Variants in ZBTB2 observed in about 807,000 individuals in gnomAD.
ZBTB2 encodes zinc finger and BTB domain containing 2, also known as zinc finger and BTB domain-containing protein 2.
Under a neutral mutation model 39.5 loss-of-function variants are expected in ZBTB2, and 2 were observed. The ratio of observed to expected loss-of-function variants is 0.05; its 90% CI spans 0.02 to 0.16. ZBTB2 has a LOEUF of 0.16. ZBTB2 is among the 10% of genes least tolerant of loss of function. The pLI is 1.00. For missense variants in ZBTB2, 391 were observed against 653.0 expected, an observed-to-expected ratio of 0.60 and a Z score of 4.37; for synonymous variants, 251 against 256.6, an observed-to-expected ratio of 0.98 and a Z score of 0.21.
intron 1 of ZBTB2, among the ~76,000 whole-genome samples, chr6:151,380,366 C>T (rs1779006568): frequency 6.6e-6 from 1 of 152,262 alleles, no homozygotes; most frequent in South Asian, 2.1e-4. Flanking sequence ...ACCCTGGCCC[C>T]TGCCCAGTGA....
chr6:151,370,138 AT>A (rs1248685247), intron 2 of ZBTB2: 215 of 951,520 alleles, frequency 2.3e-4, no homozygotes, highest in South Asian at 2.9e-4. Flanking sequence ...TTGACATAAC[AT>A]TTTTTTTTGT....
chr6:151,389,942 A>G (rs7761636), intron 1 of ZBTB2, among the ~76,000 whole-genome samples: 26,422 of 151,836 alleles, frequency 0.17, 3,814 homozygotes, highest in East Asian at 0.38. Flanking sequence ...TGTTTAAACA[A>G]GAAGGGTTTA....
intron 1 of ZBTB2, among the ~76,000 whole-genome samples, chr6:151,375,194 A>C (rs937739590): frequency 6.6e-6 from 1 of 150,580 alleles, no homozygotes; most frequent in Non-Finnish European, 1.5e-5. Context: ...ATAAACATAC[A>C]AAAAAAAATC....
At position 151,384,266 on chromosome 6, in the gene ZBTB2, T is replaced by C. The variant is rs145893922; in HGVS notation, c.-13+7154A>G. Among the ~76,000 whole-genome samples, 666 of 152,318 alleles carry C rather than the reference T, an allele frequency of 4.4e-3. 2 individuals carry two copies. The highest frequency in any genetic ancestry group is 7.6e-3 in the Non-Finnish European group (518 of 68,020). ...GTCATGTTAAGGATTTTGGTCCATATCTTAAAAGCAATGGGAAGCCACCCA... is the reference window on the plus strand; with the variant it reads ...GTCATGTTAAGGATTTTGGTCCATACCTTAAAAGCAATGGGAAGCCACCCA... On this transcript the variant is annotated intron_variant, in intron 1 of 2. Transcript: ENST00000325144.
At chr6:151,375,180 A>G (rs1157881735) in intron 1 of ZBTB2, among the ~76,000 whole-genome samples, 1 of 152,150 alleles carries the variant, frequency 6.6e-6, no homozygotes, top group Non-Finnish European at 1.5e-5. Context: ...GAGTTTGGCA[A>G]GTCATAAACA....
At chr6:151,390,179 C>T (rs1779252543) in intron 1 of ZBTB2, among the ~76,000 whole-genome samples, 1 of 151,878 alleles carries the variant, frequency 6.6e-6, no homozygotes, top group South Asian at 2.1e-4. Flanking sequence ...GACTGGGGCC[C>T]GGCCTGCAGC....
intron 1 of ZBTB2, among the ~76,000 whole-genome samples, chr6:151,382,505 T>C (rs986939626): frequency 6.7e-6 from 1 of 149,870 alleles, no homozygotes; most frequent in Non-Finnish European, 1.5e-5. Flanking sequence ...TCCACCCGCC[T>C]CGGCCTCCCA....
intron 2 of ZBTB2, among the ~76,000 whole-genome samples, chr6:151,369,316 CCCAAGGAGGTCT>C (rs1299287109): frequency 6.6e-6 from 1 of 152,014 alleles, no homozygotes; most frequent in Non-Finnish European, 1.5e-5. Flanking sequence ...GATGCGAGGG[CCCAAGGAGGTCT>C]CCAAACACCA....
At chr6:151,386,891 G>A (rs1404460017) in intron 1 of ZBTB2, among the ~76,000 whole-genome samples, 2 of 149,824 alleles carry the variant, frequency 1.3e-5, no homozygotes, top group Non-Finnish European at 3.0e-5. Context: ...AAACAATAAG[G>A]CCATTACATG....
Position 151,373,557 on chromosome 6 carries a change from C to T in ZBTB2, c.81G>A (p.Thr27=), listed in dbSNP as rs771652540. Residue 27 remains threonine (T), a synonymous_variant, in exon 2 of 3, where the codon ACG becomes ACA. Transcript: ENST00000325144. ...TGAAGTATACATCGCCGATTGCAACCGTGCAGTCACACAGGAAACCAAACT... is the reference window on the plus strand; with the variant it reads ...TGAAGTATACATCGCCGATTGCAACTGTGCAGTCACACAGGAAACCAAACT... The part of the protein sequence containing the change: ...QREFGFLCDC[T]VAIGDVYFKA... 3.7e-6 allele frequency: 6 copies of T among 1,614,028 alleles called. No individual in the cohort carries two copies. The highest frequency in any genetic ancestry group is 1.3e-5 in the African/African-American group (1 of 74,908).
In ZBTB2 at chr6:151,366,215, C is replaced by T; in HGVS notation, c.851G>A (p.Ser284Asn). Residue 284 changes from serine (S) to asparagine (N), a missense_variant, in exon 3 of 3, where the codon AGC becomes AAC. By Grantham distance (46) the Ser-to-Asn change is conservative. Transcript: ENST00000325144. This position sits in a 1 kb window ranked among gnomAD's most constrained non-coding sequence, Gnocchi z 7.1. Reference sequence around the variant, plus strand: ...GGGGACGCGACTTTCTCCCTGTTGGCTAGATGTGAAAGGTACTCCTGTGTG... The same window carrying T: ...GGGGACGCGACTTTCTCCCTGTTGGTTAGATGTGAAAGGTACTCCTGTGTG... ...QIHTGVPFTS[S>N]QQGESRVPLT... is the part of the protein sequence containing the mutation. The T allele has an allele frequency of 6.2e-7, 1 of 1,614,126 alleles. No individual in the cohort carries two copies. Among genetic ancestry groups the T allele is most frequent in the East Asian group, 2.2e-5 (1 of 44,858 alleles).
chr6:151,390,782 T>TC (rs1336958494), intron 1 of ZBTB2, among the ~76,000 whole-genome samples: 1 of 24,738 alleles, frequency 4.0e-5, no homozygotes, highest in Non-Finnish European at 8.8e-5. Flanking sequence ...CTCCCTCCCC[T>TC]CCCCCAAACC....
intron 1 of ZBTB2, among the ~76,000 whole-genome samples, chr6:151,389,473 G>T (rs1267430658): frequency 6.6e-6 from 1 of 152,182 alleles, no homozygotes; most frequent in Non-Finnish European, 1.5e-5. Context: ...CTAGTGGTGT[G>T]TACAACTCGC....
rs749758314 is a variant in ZBTB2 at position 151,373,548 on chromosome 6, G to T, written c.90C>A (p.Ile30=). The T allele has an allele frequency of 1.9e-6, 3 of 1,614,134 alleles. No homozygotes were observed. The highest frequency in any genetic ancestry group is 1.1e-5 in the South Asian group (1 of 91,078). Residue 30 remains isoleucine (I), a synonymous_variant, in exon 2 of 3, where the codon ATC becomes ATA. Coordinates refer to ENST00000325144, the MANE Select transcript of ZBTB2 (RefSeq NM_020861.3). The part of the protein sequence containing the change: ...FGFLCDCTVA[I]GDVYFKAHKS... ...TGTGTGCCTTGAAGTATACATCGCC[G>T]ATTGCAACCGTGCAGTCACACAGGA... is the stretch of plus-strand genomic sequence containing the variant.
rs2114849774 is a variant in ZBTB2 at position 151,366,546 on chromosome 6, C to T, written c.520G>A (p.Ala174Thr). ...GAAGTCAGCTGGGAGAGCTGTGAGG[C>T]CTCAGGGACCTGCTCCTGGCTTATC... ...SRISQEQVPEASQLSQLTSNL... is the reference protein window; with the variant it reads ...SRISQEQVPETSQLSQLTSNL... The change falls in exon 3 of 3, where the codon GCC becomes ACC. Residue 174 changes from alanine to threonine, a missense_variant. Physicochemically the swap from Ala to Thr is moderately conservative, Grantham distance 58. Around this residue, in one of 7 missense-constraint regions of ZBTB2, gnomAD observed 175 missense variants for 198.6 expected, o/e 0.88. Coordinates refer to ENST00000325144, the MANE Select transcript of ZBTB2 (RefSeq NM_020861.3). This position sits in a 1 kb window ranked among gnomAD's most constrained non-coding sequence, Gnocchi z 7.1. The T allele has an allele frequency of 6.2e-7, 1 of 1,614,110 alleles. No individual in the cohort carries two copies. The highest frequency in any genetic ancestry group is 1.1e-5 in the South Asian group (1 of 91,072).
chr6:151,370,181 G>A, intron 2 of ZBTB2: 2 of 692,530 alleles, frequency 2.9e-6, no homozygotes, highest in African/African-American at 1.9e-5. Flanking sequence ...TGTTGCCCAG[G>A]CTGGAGTGCA....
chr6:151,374,970 A>T (rs1431226526), intron 1 of ZBTB2, among the ~76,000 whole-genome samples: 5 of 151,214 alleles, frequency 3.3e-5, no homozygotes, highest in Non-Finnish European at 5.9e-5. Context: ...AAAACAAAAA[A>T]TTAGCTGGGC....
intron 1 of ZBTB2, among the ~76,000 whole-genome samples, chr6:151,377,662 C>T (rs1267330526): frequency 6.6e-6 from 1 of 151,356 alleles, no homozygotes; most frequent in Non-Finnish European, 1.5e-5. Context: ...GCCTCAGCCT[C>T]CCGAGTAGTT....
At chr6:151,368,704 T>A (rs1778707615) in intron 2 of ZBTB2, among the ~76,000 whole-genome samples, 1 of 151,862 alleles carries the variant, frequency 6.6e-6, no homozygotes, top group African/African-American at 2.4e-5. Flanking sequence ...TCTGCCCACC[T>A]CGGCCTCCCA....
Sources: gnomAD v4.1 joint callset for allele counts (sites outside exome capture counted in the v4.1 genomes callset) on GRCh38, gnomAD v4.1.1 for gene constraint, gnomAD v4.1.1 regional missense constraint, Gnocchi (gnomAD v3.1) non-coding constraint, MANE v1.5 for transcripts, NCBI Gene and HGNC (gene_info 2026-07-23, HGNC 2026-07-21) for gene names.